Variants in C10orf90 observed in about 807,000 individuals in gnomAD.
C10orf90 encodes the protein (E2-independent) E3 ubiquitin-conjugating enzyme FATS.
Under a neutral mutation model 62.5 loss-of-function variants are expected in C10orf90, and 56 were observed. The observed-to-expected ratio is 0.90, with a 90% confidence interval of 0.72 to 1.12. C10orf90 has a LOEUF of 1.12. Among genes scored for constraint, C10orf90 ranks in the 50% most tolerant of loss-of-function variants. The probability of loss-of-function intolerance (pLI) is 0.00; values close to 1 mark genes in which losing one functional copy is unlikely to be tolerated. For missense variants in C10orf90, 970 were observed against 880.4 expected (o/e 1.10, Z -1.29); for synonymous variants, 386 against 340.4 (o/e 1.13, Z -1.47).
At chr10:126,548,745 CTTT>C (rs71486601) in intron 2 of C10orf90, among the ~76,000 whole-genome samples, 1 of 142,646 alleles carries the variant, frequency 7.0e-6, no homozygotes, top group Non-Finnish European at 1.5e-5. Context: ...TATTACACAG[CTTT>C]TTTTTTTTTT....
intron 2 of C10orf90, among the ~76,000 whole-genome samples, chr10:126,640,988 T>C (rs1846047970): frequency 6.6e-6 from 1 of 152,168 alleles, no homozygotes; most frequent in African/African-American, 2.4e-5. Context: ...TGGAGTGAGG[T>C]ACAATGAAAC....
At chr10:126,632,489 C>T (rs1231084467) in intron 2 of C10orf90, among the ~76,000 whole-genome samples, 1 of 151,618 alleles carries the variant, frequency 6.6e-6, no homozygotes, top group Non-Finnish European at 1.5e-5. Context: ...GTATTATCTA[C>T]CAAATGGGAA....
At chr10:126,544,042 C>T (rs373776405) in intron 2 of C10orf90, among the ~76,000 whole-genome samples, 14 of 152,160 alleles carry the variant, frequency 9.2e-5, no homozygotes, top group African/African-American at 3.1e-4. Flanking sequence ...AGCACAGGTC[C>T]GGTGTTGCCA....
In C10orf90 at chr10:126,498,330, C is replaced by T. The variant is rs909265654; in HGVS notation, c.1534+5627G>A. Among the ~76,000 whole-genome samples the T allele has an allele frequency of 7.2e-5, 11 of 152,312 alleles. No individual in the cohort carries two copies. The South Asian group carries it at 2.3e-3, about 32-fold the overall frequency. ...CTGACCACTTCTCAATACCTTCACT[C>T]CTGCCACCCTTTCCAAGTCACTGCC... is the stretch of plus-strand genomic sequence containing the variant. On this transcript the variant is annotated intron_variant, in intron 4 of 9. Transcript: ENST00000488181.
intron 2 of C10orf90, among the ~76,000 whole-genome samples, chr10:126,561,516 A>T (rs2133988289): frequency 6.6e-6 from 1 of 152,256 alleles, no homozygotes; most frequent in East Asian, 1.9e-4. Context: ...ATTCATTAAA[A>T]TTTGCTCCCA....
Position 126,662,916 on chromosome 10 carries a change from C to A in C10orf90, c.240+7325G>T, listed in dbSNP as rs916869707. On this transcript the variant is annotated intron_variant, in intron 1 of 9. Coordinates refer to ENST00000488181, the MANE Select transcript of C10orf90 (RefSeq NM_001350921.2). ...TCTGGATCCACAATCTGGGTAGACA[C>A]CCTGGCCTGGCATCATTGGGATGGG... Among the ~76,000 whole-genome samples, 6 of 152,102 alleles carry A rather than the reference C, an allele frequency of 3.9e-5. No homozygotes were observed. In the South Asian group the frequency reaches 8.3e-4, roughly 21 times the overall value.
At chr10:126,470,268 G>A (rs1860510181) in intron 4 of C10orf90, 2 of 345,094 alleles carry the variant, frequency 5.8e-6, no homozygotes, top group African/African-American at 4.3e-5. Flanking sequence ...GGCCATGAAA[G>A]AGGAAGGAAG....
intron 7 of C10orf90, among the ~76,000 whole-genome samples, chr10:126,454,248 A>G (rs1859390103): frequency 6.6e-6 from 1 of 151,034 alleles, no homozygotes; most frequent in East Asian, 2.0e-4. Context: ...TTGTACCCAT[A>G]TGACTTGCAG....
chr10:126,517,240 A>G (rs1178812621), intron 2 of C10orf90, among the ~76,000 whole-genome samples: 1 of 152,204 alleles, frequency 6.6e-6, no homozygotes, highest in African/African-American at 2.4e-5. Context: ...TTACAATGCT[A>G]TGTTTATCAA....
intron 2 of C10orf90, among the ~76,000 whole-genome samples, chr10:126,518,506 G>A (rs1044824892): frequency 5.9e-5 from 9 of 151,998 alleles, no homozygotes; most frequent in African/African-American, 2.2e-4. Context: ...GAATCTCAAT[G>A]AGGCTTTTCA....
At chr10:126,508,190 A>AGAGAGAGAGAGT (rs1427624756) in intron 3 of C10orf90, among the ~76,000 whole-genome samples, 22 of 149,790 alleles carry the variant, frequency 1.5e-4, no homozygotes, top group African/African-American at 3.9e-4. Flanking sequence ...AGAGAGAGAG[A>AGAGAGAGAGAGT]GTGTGTGTGT....
intron 4 of C10orf90, among the ~76,000 whole-genome samples, chr10:126,483,677 T>C (rs1861277599): frequency 6.6e-6 from 1 of 152,252 alleles, no homozygotes; most frequent in South Asian, 2.1e-4. Context: ...CAGCATTAGC[T>C]CTATAAGCAT....
At chr10:126,655,897 A>C (rs554853124) in intron 1 of C10orf90, among the ~76,000 whole-genome samples, 1 of 151,484 alleles carries the variant, frequency 6.6e-6, no homozygotes, top group Admixed American at 6.6e-5. Flanking sequence ...ACCTGTTTCC[A>C]TGACATGCAT....
At chr10:126,559,651 A>G (rs1344540475) in intron 2 of C10orf90, among the ~76,000 whole-genome samples, 2 of 152,156 alleles carry the variant, frequency 1.3e-5, no homozygotes, top group Admixed American at 1.3e-4. Context: ...AATTGATCGG[A>G]AGATGGGTAC....
At chr10:126,470,927 C>G (rs78348654) in intron 4 of C10orf90, among the ~76,000 whole-genome samples, 2 of 152,080 alleles carry the variant, frequency 1.3e-5, no homozygotes, top group East Asian at 3.9e-4. Flanking sequence ...TATTTCCTCA[C>G]GTGGGATTGG....
At chr10:126,426,734 T>C (rs1284771616) in intron 8 of C10orf90, among the ~76,000 whole-genome samples, 2 of 152,282 alleles carry the variant, frequency 1.3e-5, no homozygotes, top group Non-Finnish European at 2.9e-5. Flanking sequence ...GTGGAGTCAC[T>C]GTAGCCTGAG....
intron 7 of C10orf90, among the ~76,000 whole-genome samples, chr10:126,437,309 C>T (rs1857986223): frequency 6.6e-6 from 1 of 152,166 alleles, no homozygotes. Flanking sequence ...TTCCAGTTAC[C>T]TTCCAGTCCC....
At chr10:126,547,799 G>C (rs1864538366) in intron 2 of C10orf90, among the ~76,000 whole-genome samples, 1 of 152,070 alleles carries the variant, frequency 6.6e-6, no homozygotes, top group Admixed American at 6.5e-5. Context: ...CAGTGAGCTA[G>C]AAGACAGAAC....
intron 3 of C10orf90, among the ~76,000 whole-genome samples, chr10:126,512,352 G>C (rs200916986): frequency 6.5e-4 from 6 of 9,174 alleles, no homozygotes; most frequent in Non-Finnish European, 1.1e-3. Context: ...GTGTGTGTCT[G>C]TGTGTGTGTG....
Sources: allele counts gnomAD v4.1 joint callset (sites outside exome capture counted in the v4.1 genomes callset), GRCh38; gene constraint gnomAD v4.1.1; transcripts MANE v1.5; gene names NCBI Gene and HGNC (gene_info 2026-07-23, HGNC 2026-07-21).